KLF12: variants seen among roughly 807,000 people sequenced by gnomAD.
KLF12 encodes the protein Krueppel-like factor 12.
KLF12 carries 9 observed loss-of-function variants against 37.8 expected under a neutral mutation model. The observed-to-expected ratio is 0.24, with a 90% CI of 0.14 to 0.42. KLF12 has a LOEUF of 0.42. KLF12 is among the 10% of genes least tolerant of loss of function. The pLI is 1.00. For missense variants in KLF12, 411 were observed against 516.0 expected (o/e 0.80, Z 1.97); for synonymous variants, 208 against 202.1 (o/e 1.03, Z -0.25).
chr13:74,266,178 G>C, the KLF12 span, among the ~76,000 whole-genome samples: 1 of 152,192 alleles, frequency 6.6e-6, no homozygotes. Context: ...GAAGCTTGAA[G>C]AGTTTGTAGC....
intron 1 of KLF12, among the ~76,000 whole-genome samples, chr13:74,090,931 G>GAA (rs375301861): frequency 0.2 from 27,235 of 138,346 alleles, 2,670 homozygotes; most frequent in African/African-American, 0.27. Flanking sequence ...AAACTACCTT[G>GAA]AAAAAAAAAA....
At chr13:74,061,154 A>G (rs1244966135) in intron 1 of KLF12, among the ~76,000 whole-genome samples, 1 of 152,232 alleles carries the variant, frequency 6.6e-6, no homozygotes, top group Non-Finnish European at 1.5e-5. Context: ...GTACCAAATG[A>G]GGCATTTCAG....
At chr13:74,129,688 GAAA>G (rs35405958) in intron 1 of KLF12, among the ~76,000 whole-genome samples, 1 of 134,316 alleles carries the variant, frequency 7.4e-6, no homozygotes. Context: ...ACTTTAAGTT[GAAA>G]AAAAAAAAAA....
chr13:74,122,095 T>C (rs1204290799), intron 1 of KLF12, among the ~76,000 whole-genome samples: 1 of 152,024 alleles, frequency 6.6e-6, no homozygotes, highest in Non-Finnish European at 1.5e-5. Flanking sequence ...AGGAATTGCT[T>C]ATATATTTTA....
intron 1 of KLF12, among the ~76,000 whole-genome samples, chr13:74,038,373 G>A (rs1460341712): frequency 1.3e-5 from 2 of 152,170 alleles, no homozygotes; most frequent in Non-Finnish European, 2.9e-5. Context: ...ACCACATACT[G>A]CTGCCTAGCA....
At chr13:74,277,618 A>C in the KLF12 span, among the ~76,000 whole-genome samples, 2 of 152,202 alleles carry the variant, frequency 1.3e-5, no homozygotes, top group South Asian at 2.1e-4. Flanking sequence ...GGTAATCATA[A>C]AGCAATTATA....
chr13:73,892,959 G>C (rs1478191302), intron 3 of KLF12, among the ~76,000 whole-genome samples: 3 of 151,482 alleles, frequency 2.0e-5, no homozygotes, highest in African/African-American at 4.9e-5. Flanking sequence ...ACATAAATCA[G>C]CACTCTTATG....
At chr13:74,246,213 G>T in the KLF12 span, among the ~76,000 whole-genome samples, 1 of 152,098 alleles carries the variant, frequency 6.6e-6, no homozygotes, top group South Asian at 2.1e-4. Flanking sequence ...AATGGATGAC[G>T]CACTTATGAC....
intron 4 of KLF12, among the ~76,000 whole-genome samples, chr13:73,815,803 G>A (rs1023650196): frequency 6.6e-6 from 1 of 152,166 alleles, no homozygotes; most frequent in African/African-American, 2.4e-5. Flanking sequence ...TACAACTCAA[G>A]GAAGATAGAG....
intron 1 of KLF12, among the ~76,000 whole-genome samples, chr13:74,099,714 AC>A (rs1228131875): frequency 6.6e-6 from 1 of 152,170 alleles, no homozygotes; most frequent in East Asian, 1.9e-4. Flanking sequence ...AAAATTCCTC[AC>A]ACATAATTCA....
At chr13:73,894,603 G>C (rs1343733293) in intron 3 of KLF12, among the ~76,000 whole-genome samples, 1 of 152,052 alleles carries the variant, frequency 6.6e-6, no homozygotes, top group African/African-American at 2.4e-5. Context: ...TCTCTCATTT[G>C]AGGTATTCAA....
chr13:74,250,812 G>A, the KLF12 span, among the ~76,000 whole-genome samples: 13 of 152,252 alleles, frequency 8.5e-5, no homozygotes, highest in Middle Eastern at 3.4e-3. Flanking sequence ...ACCATTACAT[G>A]CATTAGTCAT....
chr13:73,962,530 C>T (rs1441571345), intron 2 of KLF12, among the ~76,000 whole-genome samples: 1 of 152,150 alleles, frequency 6.6e-6, no homozygotes, highest in Non-Finnish European at 1.5e-5. Flanking sequence ...AACAAATGTA[C>T]CACTGTCGTG....
chr13:74,088,505 G>C (rs963189252), intron 1 of KLF12, among the ~76,000 whole-genome samples: 2 of 152,106 alleles, frequency 1.3e-5, no homozygotes, highest in Non-Finnish European at 2.9e-5. Flanking sequence ...TGGGATTGCA[G>C]GCATAAGCCA....
chr13:73,696,787 T>C lies in KLF12; in HGVS notation c.1028-1116A>G, dbSNP rs537842361. On this transcript the variant is annotated intron_variant, in intron 7 of 7. Transcript: ENST00000377669. ...CTCAAAGCCAGTAAAAAGATGTGCA[T>C]GGCTCTCAATCCAGTGCTTTTCACT... Among the ~76,000 whole-genome samples, 41 of 152,332 alleles carry C rather than the reference T, an allele frequency of 2.7e-4. 1 individual carries two copies. The highest frequency in any genetic ancestry group is 7.2e-4 in the African/African-American group (30 of 41,574).
the KLF12 span, among the ~76,000 whole-genome samples, chr13:74,230,297 A>C: frequency 3.3e-5 from 5 of 152,140 alleles, no homozygotes; most frequent in Admixed American, 6.6e-5. Flanking sequence ...AAGTTTCCTG[A>C]GGCCTCCCCA....
intron 2 of KLF12, among the ~76,000 whole-genome samples, chr13:73,958,073 T>G (rs1161313260): frequency 2.0e-5 from 3 of 152,214 alleles, no homozygotes; most frequent in African/African-American, 7.2e-5. Context: ...GGTAGCCACT[T>G]GTTGCAACTA....
the KLF12 span, among the ~76,000 whole-genome samples, chr13:74,140,836 G>A: frequency 3.9e-5 from 6 of 152,150 alleles, no homozygotes; most frequent in East Asian, 1.9e-4. Flanking sequence ...GGCAGATCAC[G>A]AGATCAGGAG....
At chr13:74,086,999 T>C (rs1044899202) in intron 1 of KLF12, among the ~76,000 whole-genome samples, 1 of 152,156 alleles carries the variant, frequency 6.6e-6, no homozygotes, top group African/African-American at 2.4e-5. Context: ...TCTTGCTGTC[T>C]TGGGGTGGCA....
Sources: gnomAD v4.1 joint callset for allele counts (sites outside exome capture counted in the v4.1 genomes callset) on GRCh38, gnomAD v4.1.1 for gene constraint, MANE v1.5 for transcripts, NCBI Gene and HGNC (gene_info 2026-07-23, HGNC 2026-07-21) for gene names.